Variants in USP40 observed in about 807,000 individuals in gnomAD.
USP40 encodes the protein ubiquitin carboxyl-terminal hydrolase 40.
USP40 carries 143 observed loss-of-function variants against 166.2 expected under a neutral mutation model. The ratio of observed to expected loss-of-function variants is 0.86; its 90% CI spans 0.75 to 0.99. USP40 has a LOEUF of 0.99. Ranked by LOEUF, USP40 falls within the 50% of genes least tolerant of loss-of-function variation. The pLI, the probability that USP40 is intolerant of heterozygous loss-of-function variation, is 0.00. For synonymous variants in USP40, 498 were observed against 524.0 expected (o/e 0.95, Z 0.68); for missense variants, 1,444 against 1,479.7 (o/e 0.98, Z 0.40).
intron 21 of USP40, among the ~76,000 whole-genome samples, chr2:233,507,645 G>A (rs1011598623): frequency 1.3e-5 from 2 of 150,908 alleles, no homozygotes; most frequent in Non-Finnish European, 3.0e-5. Context: ...AGTTGACATC[G>A]TAGAAGCAGA....
At chr2:233,507,063 C>T (rs977758903) in intron 21 of USP40, among the ~76,000 whole-genome samples, 6 of 151,948 alleles carry the variant, frequency 3.9e-5, no homozygotes, top group African/African-American at 1.2e-4. Context: ...CAGGTACGCA[C>T]ACAAAAAATG....
chr2:233,490,978 G>C, intron 26 of USP40, 189 bp downstream of exon 26: 1 of 704,960 alleles, frequency 1.4e-6, no homozygotes. Context: ...AGGGACCAGT[G>C]AGGCCACGAG....
Position 233,512,565 on chromosome 2 carries a change from T to G in USP40, c.2437+4A>C. ...ACCTTTTGAAAGTTATCAAAAAGATTTACCTGGACAAAGAAGCTTCCCATT... is the reference window on the plus strand; with the variant it reads ...ACCTTTTGAAAGTTATCAAAAAGATGTACCTGGACAAAGAAGCTTCCCATT... On this transcript the variant is annotated splice_donor_region_variant and intron_variant, in intron 19 of 31. Coordinates refer to ENST00000678225, the MANE Select transcript of USP40 (RefSeq NM_001365479.2). 6 of 1,578,358 alleles carry G rather than the reference T, an allele frequency of 3.8e-6. No individual in the cohort carries two copies. Among genetic ancestry groups the G allele is most frequent in the Non-Finnish European group, 5.2e-6 (6 of 1,163,434 alleles).
intron 25 of USP40, among the ~76,000 whole-genome samples, chr2:233,492,326 A>C (rs1159656920): frequency 6.6e-6 from 1 of 152,236 alleles, no homozygotes; most frequent in East Asian, 1.9e-4. Flanking sequence ...TACCGTGTTC[A>C]CATAATGATG....
intron 31 of USP40, among the ~76,000 whole-genome samples, chr2:233,479,540 C>T (rs1053234148): frequency 2.1e-5 from 3 of 145,200 alleles, no homozygotes; most frequent in South Asian, 2.1e-4. Context: ...TCCAGCCTGG[C>T]GACAAGGTGG....
At chr2:233,503,151 T>G (rs1489615360) in intron 21 of USP40, among the ~76,000 whole-genome samples, 3 of 152,112 alleles carry the variant, frequency 2.0e-5, no homozygotes, top group Non-Finnish European at 4.4e-5. Context: ...TCATTCATAA[T>G]CTGAATCAGA....
intron 30 of USP40, among the ~76,000 whole-genome samples, chr2:233,482,533 C>A (rs2064682994): frequency 6.6e-6 from 1 of 151,840 alleles, no homozygotes; most frequent in African/African-American, 2.4e-5. Context: ...ACTAAACTAA[C>A]ACCAAACTGC....
chr2:233,540,021 A>C (rs1305132090), intron 10 of USP40, among the ~76,000 whole-genome samples: 1 of 150,396 alleles, frequency 6.6e-6, no homozygotes, highest in Non-Finnish European at 1.5e-5. Flanking sequence ...GCTACTCAGG[A>C]GGCTGAGGCA....
At chr2:233,527,100 CTT>C (rs1225974498) in intron 13 of USP40, among the ~76,000 whole-genome samples, 1 of 152,154 alleles carries the variant, frequency 6.6e-6, no homozygotes, top group African/African-American at 2.4e-5. Context: ...TTTTCACTCT[CTT>C]TGAAAGGCAA....
chr2:233,522,722 G>A (rs977509732), intron 16 of USP40, among the ~76,000 whole-genome samples: 3 of 152,126 alleles, frequency 2.0e-5, no homozygotes, highest in South Asian at 2.1e-4. Flanking sequence ...GTCACAGAAC[G>A]GATTATAAGG....
intron 8 of USP40, among the ~76,000 whole-genome samples, chr2:233,544,657 C>G (rs919089822): frequency 5.9e-5 from 9 of 152,120 alleles, no homozygotes; most frequent in African/African-American, 1.9e-4. Context: ...GAGCTCTGTG[C>G]TAGGAATGGG....
At position 233,498,600 on chromosome 2, in the gene USP40, TGCCA is replaced by T; in HGVS notation, c.2659_2662del (p.Trp887IlefsTer22). The T allele has an allele frequency of 6.2e-7, 1 of 1,613,448 alleles. No homozygotes were observed. Among genetic ancestry groups the T allele is most frequent in the Non-Finnish European group, 8.5e-7 (1 of 1,179,610 alleles). Reference sequence around the variant, plus strand: ...ATAGCACCAATCCATTTTTCGTAAATGCCAGGCATCTCCTATAAAGGAGTCAAAA... The same window carrying T: ...ATAGCACCAATCCATTTTTCGTAAATGGCATCTCCTATAAAGGAGTCAAAA... On this transcript the variant is annotated frameshift_variant, in exon 23 of 32. Coordinates refer to ENST00000678225, the MANE Select transcript of USP40 (RefSeq NM_001365479.2). LOFTEE classifies it high-confidence loss of function.
rs2067955861 is a variant in USP40, at chr2:233,525,490, G to A, written c.1798C>T (p.Gln600Ter). Residue 600 changes from glutamine (Q) to a stop codon, truncating the protein, a stop_gained, in exon 14 of 32, where the codon CAG becomes TAG. Transcript: ENST00000678225. LOFTEE classifies it high-confidence loss of function. ...ATATTTATCTTACCGCCAAGTGACT[G>A]GTAAATGTGAAGTCCTGCTGGTACA... ...KLVPAGLHIY[Q>*]SLGGDELTLC... The A allele has an allele frequency of 6.2e-7, 1 of 1,611,954 alleles. No individual in the cohort carries two copies. Among genetic ancestry groups the A allele is most frequent in the African/African-American group, 1.3e-5 (1 of 74,836 alleles).
At chr2:233,483,173 T>C (rs1433512855) in intron 30 of USP40, among the ~76,000 whole-genome samples, 3 of 152,216 alleles carry the variant, frequency 2.0e-5, no homozygotes, top group African/African-American at 7.2e-5. Flanking sequence ...ACTGATTCTT[T>C]CATGGTTTGC....
chr2:233,557,251 T>C (rs544147281), intron 4 of USP40, among the ~76,000 whole-genome samples: 1 of 152,342 alleles, frequency 6.6e-6, no homozygotes, highest in African/African-American at 2.4e-5. Context: ...TGTAACTCAA[T>C]TCCTTTGACA....
At chr2:233,491,479 C>A in intron 25 of USP40, 1 of 564,530 alleles carries the variant, frequency 1.8e-6, no homozygotes, top group Non-Finnish European at 3.2e-6. Context: ...ATGCCCCTAC[C>A]TTGAATGTAC....
chr2:233,480,619 G>A lies in USP40; in HGVS notation c.3599+584C>T, dbSNP rs936381706. Among the ~76,000 whole-genome samples the A allele has an allele frequency of 3.3e-5, 5 of 152,230 alleles. No homozygotes were observed. The highest frequency in any genetic ancestry group is 4.4e-5 in the Non-Finnish European group (3 of 68,038). ...GCAGAGCCAGACAACGGCAGGCGGC[G>A]CCAGAGCTGGGAGGAGGGAGAGAGG... is the stretch of plus-strand genomic sequence containing the variant. On this transcript the variant is annotated intron_variant, in intron 31 of 31. Transcript: ENST00000678225. The surrounding 1 kb of genome is among the most constrained non-coding windows in gnomAD (Gnocchi z 4.5).
At position 233,485,777 on chromosome 2, in the gene USP40, A is replaced by G. The variant is rs1283370976; in HGVS notation, c.3398T>C (p.Ile1133Thr). Reference sequence around the variant, plus strand: ...GCCCCACAACTTTACCCAGCTAGATATCGGAAGCCACTCGAACTTTTCGGG... The same window carrying G: ...GCCCCACAACTTTACCCAGCTAGATGTCGGAAGCCACTCGAACTTTTCGGG... ...YFPEKFEWLP[I>T]SSWNQQITKR... is the part of the protein sequence containing the mutation. The change falls in exon 29 of 32, where the codon ATA becomes ACA. Residue 1133 changes from isoleucine (I) to threonine (T), a missense_variant. Ile to Thr is a moderately conservative substitution (Grantham distance 89, BLOSUM62 -1). Transcript: ENST00000678225. 1.9e-6 allele frequency: 3 copies of G among 1,612,966 alleles called. No homozygotes were observed. The highest frequency in any genetic ancestry group is 1.1e-5 in the South Asian group (1 of 90,750).
At chr2:233,506,016 C>G (rs944778459) in intron 21 of USP40, among the ~76,000 whole-genome samples, 2 of 152,018 alleles carry the variant, frequency 1.3e-5, no homozygotes, top group Non-Finnish European at 2.9e-5. Flanking sequence ...TCATAAGGAA[C>G]CACAAAAAAA....
Sources: gnomAD v4.1 joint callset for allele counts (sites outside exome capture counted in the v4.1 genomes callset) on GRCh38, gnomAD v4.1.1 for gene constraint, Gnocchi (gnomAD v3.1) non-coding constraint, MANE v1.5 for transcripts, NCBI Gene and HGNC (gene_info 2026-07-23, HGNC 2026-07-21) for gene names.